PDE1A: variants seen among roughly 807,000 people sequenced by gnomAD.
The protein encoded by PDE1A is dual specificity calcium/calmodulin-dependent 3',5'-cyclic nucleotide phosphodiesterase 1A.
In PDE1A, 35 loss-of-function variants were observed where a neutral mutation model predicts 61.7. The observed-to-expected ratio is 0.57, with a 90% CI of 0.43 to 0.75. The LOEUF is 0.75. PDE1A is among the 30% of genes least tolerant of loss of function. The pLI is 0.00. For synonymous variants in PDE1A, 232 were observed against 213.2 expected, an observed-to-expected ratio of 1.09 and a Z score of -0.77; for missense variants, 597 against 630.6, an observed-to-expected ratio of 0.95 and a Z score of 0.57.
At chr2:182,690,684 A>G in the PDE1A span, among the ~76,000 whole-genome samples, 1 of 152,220 alleles carries the variant, frequency 6.6e-6, no homozygotes, top group African/African-American at 2.4e-5. Context: ...GGCCAGGGCA[A>G]TCGGGCAAGA....
intron 1 of PDE1A, among the ~76,000 whole-genome samples, chr2:182,283,762 C>T (rs1363709029): frequency 6.6e-6 from 1 of 152,004 alleles, no homozygotes; most frequent in East Asian, 1.9e-4. Flanking sequence ...TGACACATTT[C>T]GACAAAGTTG....
chr2:182,641,986 C>T, the PDE1A span, among the ~76,000 whole-genome samples: 1 of 152,170 alleles, frequency 6.6e-6, no homozygotes, highest in African/African-American at 2.4e-5. Context: ...TCACTAGAAA[C>T]TTTCTTTCCT....
At chr2:182,456,817 G>T (rs1185873515) in intron 2 of PDE1A, among the ~76,000 whole-genome samples, 2 of 152,226 alleles carry the variant, frequency 1.3e-5, no homozygotes, top group Admixed American at 1.3e-4. Context: ...GTGTTTATAT[G>T]TAAAATCAAA....
At chr2:182,239,566 C>T (rs903048787) in intron 3 of PDE1A, among the ~76,000 whole-genome samples, 4 of 151,378 alleles carry the variant, frequency 2.6e-5, no homozygotes, top group Admixed American at 2.0e-4. Flanking sequence ...CTAGGCGTTT[C>T]TAGGGGCCAT....
the PDE1A span, among the ~76,000 whole-genome samples, chr2:182,706,837 G>A: frequency 6.6e-6 from 1 of 152,196 alleles, no homozygotes; most frequent in African/African-American, 2.4e-5. Flanking sequence ...ATGTTCCAGG[G>A]TTTATAGCAG....
chr2:182,308,052 TA>T lies in PDE1A; in HGVS notation c.54-43639del, dbSNP rs536335016. Among the ~76,000 whole-genome samples, 30 of 152,300 alleles carry T rather than the reference TA, an allele frequency of 2.0e-4. No individual in the cohort carries two copies. In the East Asian group the frequency reaches 5.2e-3, roughly 26 times the overall value. On this transcript the variant is annotated intron_variant, in intron 1 of 13. Transcript: ENST00000351439. ...CAGTTAGCATTAAGACACTGACAGT[TA>T]AATGAAAATTGAATTTGAAAAATAA...
chr2:182,166,834 C>T (rs1691676609), downstream of PDE1A, among the ~76,000 whole-genome samples: 1 of 152,166 alleles, frequency 6.6e-6, no homozygotes, highest in Non-Finnish European at 1.5e-5. Context: ...CAATACTGGA[C>T]ATCAGCCATT....
chr2:182,472,098 A>T (rs955205896), intron 2 of PDE1A, among the ~76,000 whole-genome samples: 1 of 151,970 alleles, frequency 6.6e-6, no homozygotes, highest in Non-Finnish European at 1.5e-5. Context: ...AACTTAAAAC[A>T]CTGTTGGTGA....
intron 2 of PDE1A, among the ~76,000 whole-genome samples, chr2:182,511,137 A>C (rs1381489999): frequency 6.6e-6 from 1 of 152,108 alleles, no homozygotes; most frequent in Non-Finnish European, 1.5e-5. Flanking sequence ...TGATGATATT[A>C]TTTCCATTTA....
intron 1 of PDE1A, among the ~76,000 whole-genome samples, chr2:182,380,496 G>A (rs1278900768): frequency 1.3e-5 from 2 of 152,078 alleles, no homozygotes; most frequent in Non-Finnish European, 2.9e-5. Context: ...ACGGCAATGT[G>A]ATACATTTTC....
the PDE1A span, among the ~76,000 whole-genome samples, chr2:182,680,046 T>A: frequency 6.6e-6 from 1 of 152,132 alleles, no homozygotes; most frequent in African/African-American, 2.4e-5. Flanking sequence ...AAAGTACACA[T>A]AGAAACATAA....
the PDE1A span, among the ~76,000 whole-genome samples, chr2:182,644,859 C>A: frequency 6.6e-6 from 1 of 151,650 alleles, no homozygotes; most frequent in Admixed American, 6.6e-5. Context: ...GGAAAAAAAA[C>A]CATAATATAA....
chr2:182,640,873 A>T, the PDE1A span, among the ~76,000 whole-genome samples: 1 of 151,992 alleles, frequency 6.6e-6, no homozygotes, highest in Non-Finnish European at 1.5e-5. Context: ...TACCAAAATT[A>T]GCCAGACATG....
the PDE1A span, among the ~76,000 whole-genome samples, chr2:182,682,043 C>T: frequency 6.6e-6 from 1 of 152,276 alleles, no homozygotes; most frequent in Non-Finnish European, 1.5e-5. Context: ...TTCTTGAGAC[C>T]TCCTTTTCTT....
At chr2:182,201,823 A>G in intron 8 of PDE1A, 34 bp from the exon 9 acceptor site, 3 of 1,363,054 alleles carry the variant, frequency 2.2e-6, no homozygotes, top group Non-Finnish European at 3.1e-6. Flanking sequence ...AGGTTCATTC[A>G]GCCATTTATT....
chr2:182,442,001 C>A (rs561266800), intron 2 of PDE1A, among the ~76,000 whole-genome samples: 28 of 152,134 alleles, frequency 1.8e-4, no homozygotes, highest in African/African-American at 6.3e-4. Context: ...GCTAGAAAAT[C>A]AGTGAATAGT....
rs1553535416 is a variant in PDE1A at position 182,201,663 on chromosome 2, A to AAAAAC, written c.1004+24_1004+25insGTTTT. 3 of 1,517,992 alleles carry AAAAAC rather than the reference A, an allele frequency of 2.0e-6. No individual in the cohort carries two copies. In the Admixed American group the frequency reaches 6.7e-5, roughly 34 times the overall value. 94.0% of individuals were successfully genotyped at this position (1,517,992 alleles called of 1,614,324 possible). ...ACTTTAACATGACAAAAAAAAAAAA[A>AAAAAC]CAACAAAAAAAACACAAAACCTACC... On this transcript the variant is annotated intron_variant, in intron 9 of 13. Coordinates refer to ENST00000351439, the Ensembl canonical transcript of PDE1A.
the PDE1A span, among the ~76,000 whole-genome samples, chr2:182,565,985 T>C: frequency 5.9e-5 from 9 of 152,154 alleles, no homozygotes; most frequent in African/African-American, 1.7e-4. Context: ...GGATCAGACA[T>C]GTAGACACAG....
At chr2:182,504,811 T>C (rs1326801382) in intron 2 of PDE1A, among the ~76,000 whole-genome samples, 2 of 152,246 alleles carry the variant, frequency 1.3e-5, no homozygotes, top group Non-Finnish European at 1.5e-5. Context: ...ATGGTGACTA[T>C]TGTCCAAGCT....
Sources: allele counts gnomAD v4.1 joint callset (sites outside exome capture counted in the v4.1 genomes callset), GRCh38; gene constraint gnomAD v4.1.1; transcripts MANE v1.5; gene names NCBI Gene and HGNC (gene_info 2026-07-23, HGNC 2026-07-21).